The following DUOX2 variants were observed in gnomAD, a reference collection of about 807,000 sequenced individuals.
The protein encoded by DUOX2 is NADH/NADPH thyroid oxidase p138-tox.
DUOX2 carries 185 observed loss-of-function variants against 183.3 expected under a neutral mutation model. The observed-to-expected ratio is 1.01, with a 90% CI of 0.90 to 1.14. The LOEUF (loss-of-function observed/expected upper bound fraction) is 1.14. DUOX2 is among the 50% of genes most tolerant of loss of function. The pLI is 0.00. For synonymous variants in DUOX2, 788 were observed against 812.4 expected, an observed-to-expected ratio of 0.97 and a Z score of 0.51; for missense variants, 1,999 against 2,022.9, an observed-to-expected ratio of 0.99 and a Z score of 0.23.
chr15:45,111,708 C>G (rs1482770354), intron 5 of DUOX2, 60 bp downstream of exon 5: 12 of 1,471,670 alleles, frequency 8.2e-6, no homozygotes, highest in African/African-American at 1.4e-5. Flanking sequence ...CTGCCAGGCC[C>G]GAAGCCCAGG....
At chr15:45,112,062 T>A in intron 4 of DUOX2, 107 bp from the exon 5 acceptor site, 2 of 1,387,836 alleles carry the variant, frequency 1.4e-6, no homozygotes, top group Non-Finnish European at 2.0e-6. Flanking sequence ...GAGGTCCCAG[T>A]GCCAGCTCCG....
At chr15:45,101,338 C>CT in intron 21 of DUOX2, 64 bp from the exon 22 acceptor site, 1 of 1,374,538 alleles carries the variant, frequency 7.3e-7, no homozygotes, top group Non-Finnish European at 1.0e-6. Flanking sequence ...GGATGGGAGA[C>CT]TGTGCCCTCC....
At chr15:45,103,071 C>T (rs1038159381) in intron 20 of DUOX2, among the ~76,000 whole-genome samples, 7 of 152,220 alleles carry the variant, frequency 4.6e-5, no homozygotes, top group Admixed American at 6.5e-5. Context: ...AGCCTCACCT[C>T]GGGCTGGGCC....
At chr15:45,113,272 G>T (rs1342702614) in intron 2 of DUOX2, 70 bp downstream of exon 2, 23 of 1,524,144 alleles carry the variant, frequency 1.5e-5, no homozygotes, top group Non-Finnish European at 1.9e-5. Context: ...GCCGCTTGCC[G>T]CACCTCTCCC....
chr15:45,104,219 C>T lies in DUOX2; in HGVS notation c.2481G>A (p.Met827Ile). The T allele has an allele frequency of 1.9e-6, 3 of 1,614,110 alleles. No individual in the cohort carries two copies. Among genetic ancestry groups the T allele is most frequent in the Non-Finnish European group, 8.5e-7 (1 of 1,180,000 alleles). ...TGCCATCCTTGTCAGCCAGAGAGAA[C>T]ATGGACTCCACAAACATGTCCTGGG... ...LKPQDMFVES[M>I]FSLADKDGNG... is the part of the protein sequence containing the mutation. Residue 827 changes from methionine to isoleucine, a missense_variant, in exon 19 of 34, where the codon ATG becomes ATA. Coordinates refer to ENST00000389039, the MANE Select transcript of DUOX2 (RefSeq NM_001363711.2).
At chr15:45,108,345 C>T in intron 12 of DUOX2, 123 bp from the exon 13 acceptor site, 1 of 1,187,930 alleles carries the variant, frequency 8.4e-7, no homozygotes, top group Non-Finnish European at 1.2e-6. Context: ...CTGATTTCCT[C>T]TTCTTAGGCA....
chr15:45,113,340 G>GC lies in DUOX2; in HGVS notation c.70+1dup, dbSNP rs1193679905. ...CCGCCGCTAGAGGAGCCTGATACTT[G>GC]CCCGATGGACCCAGGGATCCAGTCA... is the stretch of plus-strand genomic sequence containing the variant. On this transcript the variant is annotated splice_donor_variant, in intron 2 of 33. Transcript: ENST00000389039. LOFTEE classifies it high-confidence loss of function. 6.4e-7 allele frequency: 1 copy of GC among 1,559,782 alleles called. No homozygotes were observed. Among genetic ancestry groups the GC allele is most frequent in the Non-Finnish European group, 8.7e-7 (1 of 1,150,984 alleles).
Position 45,094,191 on chromosome 15 carries a change from G to A in DUOX2, c.4606C>T (p.Gln1536Ter). 1 of 1,614,150 alleles carries A rather than the reference G, an allele frequency of 6.2e-7. No homozygotes were observed. The change falls in exon 34 of 34, where the codon CAG (glutamine) becomes TAG (stop). Residue 1536 changes from glutamine (Q) to a stop codon, truncating the protein, a stop_gained. Transcript: ENST00000389039. LOFTEE classifies it high-confidence loss of function. Reference sequence around the variant, plus strand: ...TGGTGCATGAAGTGGGCTCGGTCCTGCCTGTTGACGAGCTGACAGGCCTTC... The same window carrying A: ...TGGTGCATGAAGTGGGCTCGGTCCTACCTGTTGACGAGCTGACAGGCCTTC... ...VEKACQLVNR[Q>*]DRAHFMHHYE... is the part of the protein sequence containing the mutation.
intron 1 of DUOX2, among the ~76,000 whole-genome samples, chr15:45,113,695 A>T (rs964698412): frequency 6.6e-5 from 10 of 152,152 alleles, no homozygotes; most frequent in African/African-American, 2.2e-4. Flanking sequence ...CCCACTGGGC[A>T]GGAGTCTTCT....
intron 9 of DUOX2, among the ~76,000 whole-genome samples, 181 bp from the exon 10 acceptor site, chr15:45,110,161 G>C (rs899948386): frequency 6.6e-6 from 1 of 152,136 alleles, no homozygotes. Context: ...TCCTAGTCCA[G>C]GTAGGGTGGG....
rs755252651 is a variant in DUOX2 at position 45,101,945 on chromosome 15, A to G, written c.2699T>C (p.Leu900Pro). Reference protein sequence around the residue: ...ISNNCLSKAQLAEVVESMFRE... With the variant: ...ISNNCLSKAQPAEVVESMFRE... ...GAACATAGACTCCACCACCTCGGCC[A>G]GCTGGGCCTTGGACAGGCAGTTGTT... The change falls in exon 21 of 34, where the codon CTG becomes CCG. Residue 900 changes from leucine to proline, a missense_variant. Physicochemically the swap from Leu to Pro is moderately conservative, Grantham distance 98. Coordinates refer to ENST00000389039, the MANE Select transcript of DUOX2 (RefSeq NM_001363711.2). The G allele has an allele frequency of 1.2e-6, 2 of 1,614,192 alleles. No homozygotes were observed. The highest frequency in any genetic ancestry group is 8.5e-7 in the Non-Finnish European group (1 of 1,180,036).
intron 2 of DUOX2, 126 bp from the exon 3 acceptor site, chr15:45,113,202 C>T: frequency 6.9e-7 from 1 of 1,443,326 alleles, no homozygotes; most frequent in Non-Finnish European, 9.5e-7. Context: ...TGTCGGGCCG[C>T]ACTGGGAAGT....
chr15:45,097,376 T>G lies in DUOX2; in HGVS notation c.3709A>C (p.Ser1237Arg). 1 of 1,614,250 alleles carries G rather than the reference T, an allele frequency of 6.2e-7. No individual in the cohort carries two copies. The highest frequency in any genetic ancestry group is 8.5e-7 in the Non-Finnish European group (1 of 1,180,050). The change falls in exon 29 of 34, where the codon AGC becomes CGC. Residue 1237 changes from serine to arginine, a missense_variant. Physicochemically the swap from Ser to Arg is moderately radical, Grantham distance 110 (BLOSUM62 -1). Transcript: ENST00000389039. The part of the protein sequence containing the change: ...LLYALLIIHG[S>R]YALIQLPTFH... ...GTGGGCAGCTGGATCAGAGCATAGC[T>G]GCCATGGATGATGAGCTGGAGACAC... is the stretch of plus-strand genomic sequence containing the variant.
intron 2 of DUOX2, 65 bp from the exon 3 acceptor site, chr15:45,113,141 GC>G: frequency 6.5e-7 from 1 of 1,547,774 alleles, no homozygotes; most frequent in Non-Finnish European, 8.8e-7. Context: ...AGCAACGAAG[GC>G]CTTGGCCAGT....
At chr15:45,098,721 A>C (rs1055456700) in intron 26 of DUOX2, among the ~76,000 whole-genome samples, 1 of 147,992 alleles carries the variant, frequency 6.8e-6, no homozygotes, top group Non-Finnish European at 1.5e-5. Context: ...TTTTTTTTTC[A>C]AGACAGAGTC....
intron 5 of DUOX2, 51 bp downstream of exon 5, chr15:45,111,717 G>A (rs1337600392): frequency 4.0e-6 from 6 of 1,489,412 alleles, no homozygotes; most frequent in Non-Finnish European, 5.4e-6. Context: ...CCGAAGCCCA[G>A]GCCCCACCTG....
intron 18 of DUOX2, among the ~76,000 whole-genome samples, chr15:45,104,977 C>T (rs1055038051): frequency 6.6e-6 from 1 of 152,090 alleles, no homozygotes; most frequent in East Asian, 1.9e-4. Context: ...TGAGCCACCA[C>T]GTCCAGCTAA....
rs1893835946 is a variant in DUOX2, at chr15:45,094,204, C to T, written c.4593G>A (p.Gln1531=). 1 of 1,614,150 alleles carries T rather than the reference C, an allele frequency of 6.2e-7. No individual in the cohort carries two copies. The highest frequency in any genetic ancestry group is 8.5e-7 in the Non-Finnish European group (1 of 1,180,030). ...GMTKNVEKAC[Q]LVNRQDRAHF... ...GGGCTCGGTCCTGCCTGTTGACGAG[C>T]TGACAGGCCTTCTCTACATTCTTGG... Residue 1531 remains glutamine (Q), a synonymous_variant, in exon 34 of 34, where the codon CAG becomes CAA. Coordinates refer to ENST00000389039, the MANE Select transcript of DUOX2 (RefSeq NM_001363711.2).
At position 45,100,154 on chromosome 15, in the gene DUOX2, T is replaced by A. The variant is rs754880073; in HGVS notation, c.3080A>T (p.Lys1027Met). ...EKMQRGFLAQ[K>M]LQQYKRFVEN... ...CACGAAGCGCTTGTACTGCTGCAGC[T>A]TTTGGGCTAGGAAGCCTCGCTGCAT... Residue 1027 changes from lysine (K) to methionine (M), a missense_variant, in exon 24 of 34, where the codon AAG (lysine) becomes ATG (methionine). By Grantham distance (95) the Lys-to-Met change is moderately conservative. Transcript: ENST00000389039. 1 of 1,614,184 alleles carries A rather than the reference T, an allele frequency of 6.2e-7. No individual in the cohort carries two copies. The highest frequency in any genetic ancestry group is 1.1e-5 in the South Asian group (1 of 91,076).
Sources: allele counts gnomAD v4.1 joint callset (sites outside exome capture counted in the v4.1 genomes callset), GRCh38; gene constraint gnomAD v4.1.1; transcripts MANE v1.5; gene names NCBI Gene and HGNC (gene_info 2026-07-23, HGNC 2026-07-21).